The following PRMT8 variants were observed in gnomAD, a reference collection of about 807,000 sequenced individuals.
The protein encoded by PRMT8 is protein arginine methyltransferase 8.
PRMT8 carries 7 observed loss-of-function variants against 47.1 expected under a neutral mutation model. That is an observed-to-expected ratio of 0.15 (90% CI 0.08 to 0.28). The LOEUF is 0.28. Ranked by LOEUF, PRMT8 falls within the 10% of genes least tolerant of loss-of-function variation. PRMT8 has a pLI of 1.00. For missense variants in PRMT8, 237 were observed against 505.4 expected, an observed-to-expected ratio of 0.47 and a Z score of 5.09; for synonymous variants, 188 against 186.5, an observed-to-expected ratio of 1.01 and a Z score of -0.07.
rs1864944487 is a variant in PRMT8, at chr12:3,453,674, A to T, written c.48+72232A>T. Among the ~76,000 whole-genome samples, 1 of 152,096 alleles carries T rather than the reference A, an allele frequency of 6.6e-6. No individual in the cohort carries two copies. On this transcript the variant is annotated intron_variant, in intron 1 of 9. Coordinates refer to the PRMT8 transcript ENST00000452611. This position sits in a 1 kb window ranked among gnomAD's most constrained non-coding sequence, Gnocchi z 4.9. The stretch of plus-strand genomic sequence containing the variant: ...AGCTTGCCCTTCACAGCCAGGGCAA[A>T]TGCTGGGGCGCAGCCATGCTGGCTG...
rs774531526 is a variant in PRMT8, at chr12:3,552,849, G to A, written c.418-802G>A. ...CAAGTGTGGAGGTGAGTAGAGCCCA[G>A]GGCCTTAGCACAGGCCAGCCTCTGT... On this transcript the variant is annotated intron_variant, in intron 3 of 9. Transcript: ENST00000382622. This position sits in a 1 kb window ranked among gnomAD's most constrained non-coding sequence, Gnocchi z 4.5. 1 of 454,326 alleles carries A rather than the reference G, an allele frequency of 2.2e-6. No homozygotes were observed. The highest frequency in any genetic ancestry group is 4.4e-6 in the Non-Finnish European group (1 of 226,432). 28.1% of individuals were successfully genotyped at this position (454,326 alleles called of 1,614,324 possible).
At chr12:3,546,019 A>T (rs1312631949) in intron 2 of PRMT8, among the ~76,000 whole-genome samples, 1 of 152,248 alleles carries the variant, frequency 6.6e-6, no homozygotes, top group Admixed American at 6.5e-5. Context: ...CAATGAATTG[A>T]ATTAGAAACT....
At chr12:3,447,925 C>T (rs565146912) in intron 1 of PRMT8, among the ~76,000 whole-genome samples, 1 of 152,306 alleles carries the variant, frequency 6.6e-6, no homozygotes, top group East Asian at 1.9e-4. Flanking sequence ...GGAGGCTTAG[C>T]ACACTGACTT....
At chr12:3,437,486 C>T (rs185654447) in intron 1 of PRMT8, among the ~76,000 whole-genome samples, 55 of 151,874 alleles carry the variant, frequency 3.6e-4, no homozygotes, top group Admixed American at 9.8e-4. Context: ...GCATAGTGCT[C>T]GATAAGCAGT....
intron 1 of PRMT8, among the ~76,000 whole-genome samples, chr12:3,393,630 T>G (rs1469189651): frequency 6.6e-6 from 1 of 151,512 alleles, no homozygotes; most frequent in Non-Finnish European, 1.5e-5. Flanking sequence ...TGTAGTATAG[T>G]TTGAAGTCAG....
In PRMT8 at chr12:3,514,343, C is replaced by T. The variant is rs970174909; in HGVS notation, c.75+22643C>T. ...CCCTGGCTGGGCTGGCACCAGGACC[C>T]TCTGGCTCACCTTGTGGGGGATGCC... On this transcript the variant is annotated intron_variant, in intron 1 of 9. Transcript: ENST00000382622. The surrounding 1 kb of genome is among the most constrained non-coding windows in gnomAD (Gnocchi z 5.9). Among the ~76,000 whole-genome samples, 2 of 152,110 alleles carry T rather than the reference C, an allele frequency of 1.3e-5. No homozygotes were observed. Among genetic ancestry groups the T allele is most frequent in the Non-Finnish European group, 2.9e-5 (2 of 68,014 alleles).
At position 3,492,578 on chromosome 12, in the gene PRMT8, G is replaced by A. The variant is rs1316237920; in HGVS notation, c.75+878G>A. 6.6e-6 allele frequency among the ~76,000 whole-genome samples: 1 copy of A among 152,226 alleles called. No homozygotes were observed. The highest frequency in any genetic ancestry group is 2.4e-5 in the African/African-American group (1 of 41,462). ...TTCTCTACTCTCCAGCTGGCCCTGA[G>A]CCGCAGAGAGCCCTGCTGGGCTTTG... On this transcript the variant is annotated intron_variant, in intron 1 of 9. Coordinates refer to ENST00000382622, the MANE Select transcript of PRMT8 (RefSeq NM_019854.5). This position sits in a 1 kb window ranked among gnomAD's most constrained non-coding sequence, Gnocchi z 7.5.
At chr12:3,521,683 A>G (rs571861390) in intron 1 of PRMT8, among the ~76,000 whole-genome samples, 1 of 152,346 alleles carries the variant, frequency 6.6e-6, no homozygotes, top group African/African-American at 2.4e-5. Flanking sequence ...AATGGTCAGA[A>G]AACAAACTAC....
chr12:3,434,008 T>C (rs57722528), intron 1 of PRMT8, among the ~76,000 whole-genome samples: 2,969 of 152,290 alleles, frequency 0.019, 105 homozygotes, highest in African/African-American at 0.066. Flanking sequence ...AACTGTTAGA[T>C]GTTCTTCAGT....
intron 1 of PRMT8, among the ~76,000 whole-genome samples, chr12:3,518,545 A>G (rs1865831248): frequency 1.3e-5 from 2 of 152,174 alleles, no homozygotes; most frequent in South Asian, 4.2e-4. Flanking sequence ...AGAGGGGAAT[A>G]ATGAAAAGGG....
At chr12:3,487,010 GA>G (rs1376321227), upstream of PRMT8, among the ~76,000 whole-genome samples, 1 of 152,206 alleles carries the variant, frequency 6.6e-6, no homozygotes, top group Non-Finnish European at 1.5e-5. Flanking sequence ...GGAGGAATAG[GA>G]CCACAGAGGC....
intron 4 of PRMT8, among the ~76,000 whole-genome samples, chr12:3,558,230 C>T (rs908277501): frequency 2.6e-5 from 4 of 151,898 alleles, no homozygotes; most frequent in African/African-American, 7.3e-5. Context: ...AGGGCTCTCC[C>T]CTTCCTCCCC....
intron 4 of PRMT8, among the ~76,000 whole-genome samples, chr12:3,565,641 A>G (rs1866706810): frequency 6.6e-6 from 1 of 152,094 alleles, no homozygotes; most frequent in Non-Finnish European, 1.5e-5. Context: ...AGAGATTGTG[A>G]TTTTTGCTAT....
intron 1 of PRMT8, among the ~76,000 whole-genome samples, chr12:3,475,992 C>A (rs7964371): frequency 6.6e-6 from 1 of 151,800 alleles, no homozygotes; most frequent in Admixed American, 6.6e-5. Flanking sequence ...TAAGAAATAG[C>A]ATTGGGCTGG....
chr12:3,421,834 G>C lies in PRMT8; in HGVS notation c.48+40392G>C, dbSNP rs142607240. Among the ~76,000 whole-genome samples, 26 of 152,356 alleles carry C rather than the reference G, an allele frequency of 1.7e-4. No individual in the cohort carries two copies. The East Asian group carries it at 2.7e-3, about 16-fold the overall frequency. On this transcript the variant is annotated intron_variant, in intron 1 of 9. Coordinates refer to the PRMT8 transcript ENST00000452611. Reference sequence around the variant, plus strand: ...CCATTAACCTCACAAAGAACTCAGAGCCATGAGCAACGGGATGGAGGCTGA... The same window carrying C: ...CCATTAACCTCACAAAGAACTCAGACCCATGAGCAACGGGATGGAGGCTGA...
rs1235035275 is a variant in PRMT8, at chr12:3,413,158, T to C, written c.48+31716T>C. Among the ~76,000 whole-genome samples, 5 of 152,100 alleles carry C rather than the reference T, an allele frequency of 3.3e-5. No individual in the cohort carries two copies. In the South Asian group the frequency reaches 6.2e-4, roughly 19 times the overall value. ...TTAATTCAGCCAAGAATTGGCTGAA[T>C]TGTTTGTATTTTTAGTAGAGATGGG... On this transcript the variant is annotated intron_variant, in intron 1 of 9. Transcript: ENST00000452611.
At position 3,491,721 on chromosome 12, in the gene PRMT8, G is replaced by T. The variant is rs779317446; in HGVS notation, c.75+21G>T. 2.5e-6 allele frequency: 4 copies of T among 1,597,838 alleles called. No individual in the cohort carries two copies. The East Asian group carries it at 9.0e-5, about 36-fold the overall frequency. On this transcript the variant is annotated intron_variant, in intron 1 of 9. Transcript: ENST00000382622. The stretch of plus-strand genomic sequence containing the variant: ...CCGAGGTAAGGAGGCGAGCGAGCAG[G>T]GGCTCTCGGAGACCCCGCCGCCCAC...
chr12:3,455,981 G>C (rs554533223), intron 1 of PRMT8, among the ~76,000 whole-genome samples: 1 of 152,274 alleles, frequency 6.6e-6, no homozygotes, highest in African/African-American at 2.4e-5. Context: ...TTTGCTAGCT[G>C]TGTGACATAG....
intron 1 of PRMT8, among the ~76,000 whole-genome samples, chr12:3,539,313 C>A (rs1866178053): frequency 6.6e-6 from 1 of 152,142 alleles, no homozygotes; most frequent in Non-Finnish European, 1.5e-5. Flanking sequence ...ACAGTGATGA[C>A]AAATTATTTC....
Sources: gnomAD v4.1 joint callset for allele counts (sites outside exome capture counted in the v4.1 genomes callset) on GRCh38, gnomAD v4.1.1 for gene constraint, Gnocchi (gnomAD v3.1) non-coding constraint, MANE v1.5 for transcripts, NCBI Gene and HGNC (gene_info 2026-07-23, HGNC 2026-07-21) for gene names.